SLC4A10: variants seen among roughly 807,000 people sequenced by gnomAD.
The protein encoded by SLC4A10 is solute carrier family 4 member 10.
In SLC4A10, 42 loss-of-function variants were observed where a neutral mutation model predicts 137.7. The ratio of observed to expected loss-of-function variants is 0.30; its 90% CI spans 0.24 to 0.39. The LOEUF (loss-of-function observed/expected upper bound fraction) is 0.39, where lower values mean the gene tolerates loss of function less well. Ranked by LOEUF, SLC4A10 falls within the 10% of genes least tolerant of loss-of-function variation. SLC4A10 has a pLI of 1.00. For synonymous variants in SLC4A10, 474 were observed against 464.1 expected (o/e 1.02, Z -0.27); for missense variants, 925 against 1,355.0 (o/e 0.68, Z 4.98).
chr2:161,859,047 T>A (rs1452409341), intron 5 of SLC4A10, among the ~76,000 whole-genome samples: 1 of 152,114 alleles, frequency 6.6e-6, no homozygotes, highest in Non-Finnish European at 1.5e-5. Context: ...TTTAGGAACT[T>A]CGTATCATAT....
In SLC4A10 at chr2:161,904,920, T is replaced by G; in HGVS notation, c.1751+11T>G. On this transcript the variant is annotated intron_variant, in intron 14 of 26. Coordinates refer to ENST00000446997, the MANE Select transcript of SLC4A10 (RefSeq NM_001178015.2). Reference sequence around the variant, plus strand: ...GTTTAAATTTTGCAAGTAAGTGTTATGTACTTTTTGGCCCTTAGCCTCTTC... The same window carrying G: ...GTTTAAATTTTGCAAGTAAGTGTTAGGTACTTTTTGGCCCTTAGCCTCTTC... 6.2e-7 allele frequency: 1 copy of G among 1,613,808 alleles called. No homozygotes were observed. Among genetic ancestry groups the G allele is most frequent in the Non-Finnish European group, 8.5e-7 (1 of 1,179,764 alleles).
At chr2:161,792,236 T>C (rs1025563962) in intron 2 of SLC4A10, among the ~76,000 whole-genome samples, 4 of 152,142 alleles carry the variant, frequency 2.6e-5, no homozygotes, top group Middle Eastern at 3.2e-3. Context: ...AGAGAAAAAA[T>C]GGATGAAAAT....
chr2:161,739,514 A>G (rs147804300), intron 1 of SLC4A10, among the ~76,000 whole-genome samples: 104 of 152,198 alleles, frequency 6.8e-4, no homozygotes, highest in Non-Finnish European at 1.4e-3. Context: ...CAAATTGTGT[A>G]ATATTATCTG....
chr2:161,788,171 C>T (rs1430602692), intron 2 of SLC4A10, among the ~76,000 whole-genome samples: 1 of 151,766 alleles, frequency 6.6e-6, no homozygotes, highest in African/African-American at 2.4e-5. Context: ...CAAGACTCTG[C>T]ATGGGCTCCT....
chr2:161,738,950 A>C (rs986364992), intron 1 of SLC4A10, among the ~76,000 whole-genome samples: 1 of 152,118 alleles, frequency 6.6e-6, no homozygotes, highest in Non-Finnish European at 1.5e-5. Flanking sequence ...TTTTAGCCCC[A>C]ATTTTGCCAG....
chr2:161,788,649 A>C (rs1019471128), intron 2 of SLC4A10, among the ~76,000 whole-genome samples: 1 of 152,134 alleles, frequency 6.6e-6, no homozygotes, highest in African/African-American at 2.4e-5. Flanking sequence ...TGAGGTCTGG[A>C]GAAATGCCCC....
At chr2:161,827,627 G>A (rs951751160) in intron 3 of SLC4A10, among the ~76,000 whole-genome samples, 1 of 151,530 alleles carries the variant, frequency 6.6e-6, no homozygotes, top group Non-Finnish European at 1.5e-5. Flanking sequence ...GCAGTGGCGC[G>A]CGATCTCGGC....
At chr2:161,648,058 A>C (rs375653196) in intron 1 of SLC4A10, among the ~76,000 whole-genome samples, 239 of 152,344 alleles carry the variant, frequency 1.6e-3, no homozygotes, top group African/African-American at 5.4e-3. Context: ...CATCTGTATG[A>C]AGTAATTAAG....
Position 161,862,949 on chromosome 2 carries a change from T to A in SLC4A10, c.653T>A (p.Met218Lys), listed in dbSNP as rs755289229. 8 of 1,613,668 alleles carry A rather than the reference T, an allele frequency of 5.0e-6. No individual in the cohort carries two copies. The highest frequency in any genetic ancestry group is 8.5e-7 in the Non-Finnish European group (1 of 1,179,810). The part of the protein sequence containing the change: ...DVRHRVHEAL[M>K]KQHHHQNQKK... ...CGCCATAGGGTCCATGAGGCATTGA[T>A]GAAACAGCATCATCATCAGAATCAG... The change falls in exon 6 of 27, where the codon ATG (methionine) becomes AAG (lysine). Residue 218 changes from methionine to lysine, a missense_variant. Coordinates refer to ENST00000446997, the MANE Select transcript of SLC4A10 (RefSeq NM_001178015.2).
chr2:161,805,911 A>T (rs2055897721), intron 3 of SLC4A10, among the ~76,000 whole-genome samples: 1 of 152,112 alleles, frequency 6.6e-6, no homozygotes, highest in Admixed American at 6.5e-5. Context: ...GGGGGCTGTA[A>T]CCCCACATTT....
intron 23 of SLC4A10, among the ~76,000 whole-genome samples, chr2:161,970,510 G>A (rs1171319801): frequency 6.6e-6 from 1 of 152,172 alleles, no homozygotes; most frequent in Admixed American, 6.5e-5. Flanking sequence ...CAAAATAAAA[G>A]GATTGAGCTT....
intron 1 of SLC4A10, among the ~76,000 whole-genome samples, chr2:161,649,799 AT>A (rs5835875): frequency 0.78 from 118,136 of 150,496 alleles, 46,521 homozygotes; most frequent in East Asian, 0.85. Flanking sequence ...CTAAATAGAC[AT>A]TTTTTTTTTT....
intron 1 of SLC4A10, among the ~76,000 whole-genome samples, chr2:161,694,626 A>G (rs1175386309): frequency 1.3e-5 from 2 of 152,038 alleles, no homozygotes; most frequent in Admixed American, 6.6e-5. Flanking sequence ...ACAAACTATT[A>G]TGTTTGAGGC....
intron 1 of SLC4A10, among the ~76,000 whole-genome samples, chr2:161,722,852 T>C (rs2045835750): frequency 6.6e-6 from 1 of 152,196 alleles, no homozygotes; most frequent in Admixed American, 6.5e-5. Flanking sequence ...CAGATTTCTC[T>C]CTGTAAACGC....
At chr2:161,633,383 T>C (rs913001516) in intron 1 of SLC4A10, among the ~76,000 whole-genome samples, 2 of 151,770 alleles carry the variant, frequency 1.3e-5, no homozygotes, top group African/African-American at 2.4e-5. Flanking sequence ...AAATATATCA[T>C]GGGTAATAGA....
rs961790150 is a variant in SLC4A10 at position 161,856,175 on chromosome 2, G to A, written c.577+1045G>A. ...TTTTTTCTATTACACTACAACTGCT[G>A]TCTGAAGAAAAAGAAATGTCTTGAA... On this transcript the variant is annotated intron_variant, in intron 5 of 26. Coordinates refer to ENST00000446997, the MANE Select transcript of SLC4A10 (RefSeq NM_001178015.2). Among the ~76,000 whole-genome samples, 10 of 152,064 alleles carry A rather than the reference G, an allele frequency of 6.6e-5. No individual in the cohort carries two copies. The South Asian group carries it at 1.0e-3, about 16-fold the overall frequency.
chr2:161,896,101 G>A (rs2063468393), intron 11 of SLC4A10, among the ~76,000 whole-genome samples: 1 of 152,262 alleles, frequency 6.6e-6, no homozygotes, highest in Admixed American at 6.5e-5. Flanking sequence ...TGAGGTGTAA[G>A]GAAGGGATCC....
At chr2:161,638,061 T>G (rs755603045) in intron 1 of SLC4A10, among the ~76,000 whole-genome samples, 1 of 152,180 alleles carries the variant, frequency 6.6e-6, no homozygotes, top group Non-Finnish European at 1.5e-5. Flanking sequence ...GGTTTGCAAG[T>G]GTTTTCTCCA....
At chr2:161,672,994 G>A (rs1326072255) in intron 1 of SLC4A10, among the ~76,000 whole-genome samples, 1 of 152,212 alleles carries the variant, frequency 6.6e-6, no homozygotes, top group Non-Finnish European at 1.5e-5. Flanking sequence ...AGCTTTCTGA[G>A]TCTCAGGCTA....
Sources: allele counts gnomAD v4.1 joint callset (sites outside exome capture counted in the v4.1 genomes callset), GRCh38; gene constraint gnomAD v4.1.1; transcripts MANE v1.5; gene names NCBI Gene and HGNC (gene_info 2026-07-23, HGNC 2026-07-21).